Variants in CHRNA7 observed in about 807,000 individuals in gnomAD.
CHRNA7 encodes the protein cholinergic receptor nicotinic alpha 7 subunit.
Under a neutral mutation model 48.0 loss-of-function variants are expected in CHRNA7, and 17 were observed. That is an observed-to-expected ratio of 0.35 (90% CI 0.24 to 0.53). The LOEUF (loss-of-function observed/expected upper bound fraction) is 0.53, where lower values mean the gene tolerates loss of function less well. Ranked by LOEUF, CHRNA7 falls within the 20% of genes least tolerant of loss-of-function variation. The probability of loss-of-function intolerance (pLI) is 0.92; values close to 1 mark genes in which losing one functional copy is unlikely to be tolerated. For missense variants in CHRNA7, 155 were observed against 577.7 expected (o/e 0.27, Z 7.50); for synonymous variants, 75 against 242.3 (o/e 0.31, Z 6.41).
At chr15:32,036,434 CT>C (rs1011146687) in intron 2 of CHRNA7, among the ~76,000 whole-genome samples, 2 of 152,184 alleles carry the variant, frequency 1.3e-5, no homozygotes, top group African/African-American at 4.8e-5. Context: ...GTTTCAATCA[CT>C]TGTGTAAATA....
intron 2 of CHRNA7, among the ~76,000 whole-genome samples, chr15:32,040,735 GT>G (rs1188062364): frequency 6.6e-6 from 1 of 151,722 alleles, no homozygotes; most frequent in Non-Finnish European, 1.5e-5. Flanking sequence ...AAAAACAAAA[GT>G]TTTTATTTTG....
chr15:32,144,744 A>G (rs2051451790), intron 4 of CHRNA7, among the ~76,000 whole-genome samples: 1 of 152,114 alleles, frequency 6.6e-6, no homozygotes, highest in African/African-American at 2.4e-5. Context: ...TGAAGTTCTC[A>G]TGCTGTGGTT....
In CHRNA7 at chr15:32,158,281, A is replaced by AG. The variant is rs2051787354; in HGVS notation, c.599-131_599-130insG. On this transcript the variant is annotated intron_variant, in intron 6 of 9. Coordinates refer to ENST00000306901, the MANE Select transcript of CHRNA7 (RefSeq NM_000746.6). ...CAAGGTTTTATTCAAGCTAATTACA[A>AG]CCCCCCCCTTTTTTTTTTTTAGCAC... 4.9e-5 allele frequency: 36 copies of AG among 730,330 alleles called. No individual in the cohort carries two copies. The South Asian group carries it at 7.9e-4, about 16-fold the overall frequency. 45.2% of individuals were successfully genotyped at this position (730,330 alleles called of 1,614,324 possible).
intron 4 of CHRNA7, among the ~76,000 whole-genome samples, chr15:32,131,935 G>A (rs1185615315): frequency 6.6e-6 from 1 of 151,954 alleles, no homozygotes; most frequent in African/African-American, 2.4e-5. Context: ...GGTACTGCTA[G>A]GTGGGAGTGG....
At position 32,119,923 on chromosome 15, in the gene CHRNA7, A is replaced by G. The variant is rs1018025557; in HGVS notation, c.350+8024A>G. Among the ~76,000 whole-genome samples, 3 of 152,230 alleles carry G rather than the reference A, an allele frequency of 2.0e-5. No individual in the cohort carries two copies. In the East Asian group the frequency reaches 5.8e-4, roughly 29 times the overall value. On this transcript the variant is annotated intron_variant, in intron 4 of 9. Coordinates refer to ENST00000306901, the MANE Select transcript of CHRNA7 (RefSeq NM_000746.6). ...AGAGTGAGTGGACTGTCGCTGGCTG[A>G]CTGTTAATGCTGTCTGCCTCATCCG...
chr15:32,046,628 A>C (rs2049552890), intron 2 of CHRNA7, among the ~76,000 whole-genome samples: 1 of 151,746 alleles, frequency 6.6e-6, no homozygotes, highest in Non-Finnish European at 1.5e-5. Context: ...TTGCCTGTTC[A>C]CTCTGATGGT....
intron 2 of CHRNA7, among the ~76,000 whole-genome samples, chr15:32,076,069 G>T (rs1160908977): frequency 1.3e-5 from 2 of 151,860 alleles, no homozygotes; most frequent in African/African-American, 4.8e-5. Context: ...CTACATTTTT[G>T]AGTTTTATGG....
At chr15:32,145,150 T>TTTTC (rs1241415203) in intron 4 of CHRNA7, among the ~76,000 whole-genome samples, 1 of 152,224 alleles carries the variant, frequency 6.6e-6, no homozygotes, top group African/African-American at 2.4e-5. Flanking sequence ...TGTTTGTTAG[T>TTTTC]TTTCCTTTTA....
At chr15:32,104,755 G>A (rs746291796) in intron 3 of CHRNA7, among the ~76,000 whole-genome samples, 1 of 152,196 alleles carries the variant, frequency 6.6e-6, no homozygotes, top group Non-Finnish European at 1.5e-5. Flanking sequence ...CTGAATGGCC[G>A]TGCAGCACTT....
intron 3 of CHRNA7, among the ~76,000 whole-genome samples, chr15:32,110,438 A>G (rs1003820303): frequency 2.6e-5 from 4 of 152,200 alleles, no homozygotes; most frequent in Non-Finnish European, 5.9e-5. Flanking sequence ...CACATCACCC[A>G]TTAACACATC....
rs141893880 is a variant in CHRNA7, at chr15:32,031,288, A to G, written c.195+251A>G. Among the ~76,000 whole-genome samples the G allele has an allele frequency of 4.9e-3, 746 of 152,306 alleles. 11 individuals are homozygous for G. Among genetic ancestry groups the G allele is most frequent in the African/African-American group, 0.017 (716 of 41,574 alleles). ...TCACCCTGGCCACCTGTGCATGGTT[A>G]CTTGGGTCCCACCTTTCTCTCAGGT... On this transcript the variant is annotated intron_variant, in intron 2 of 9. Coordinates refer to ENST00000306901, the MANE Select transcript of CHRNA7 (RefSeq NM_000746.6).
At chr15:32,125,736 T>G (rs530756549) in intron 4 of CHRNA7, among the ~76,000 whole-genome samples, 6 of 152,316 alleles carry the variant, frequency 3.9e-5, no homozygotes, top group African/African-American at 1.4e-4. Flanking sequence ...ACTGCATCTT[T>G]ACCTCCTCAG....
At chr15:32,111,226 G>A (rs1183051389) in intron 3 of CHRNA7, 4 of 152,308 alleles carry the variant, frequency 2.6e-5, no homozygotes, top group African/African-American at 4.8e-5. Flanking sequence ...CTGACTCTGC[G>A]TTTCACCATC....
intron 4 of CHRNA7, chr15:32,112,325 G>A (rs1463765796): frequency 4.4e-6 from 2 of 458,078 alleles, no homozygotes; most frequent in African/African-American, 4.0e-5. Context: ...TATGTTCCCT[G>A]TTGTGCATTG....
intron 4 of CHRNA7, among the ~76,000 whole-genome samples, chr15:32,142,507 C>G (rs2051401627): frequency 6.6e-6 from 1 of 151,882 alleles, no homozygotes. Context: ...ACCGGCTCCT[C>G]TGTACCTCTG....
At chr15:32,071,412 ATTTC>A (rs1208001873) in intron 2 of CHRNA7, among the ~76,000 whole-genome samples, 1 of 152,098 alleles carries the variant, frequency 6.6e-6, no homozygotes, top group Non-Finnish European at 1.5e-5. Context: ...ATGTCTGTTT[ATTTC>A]TTCTTTGATT....
chr15:32,115,917 G>GA (rs948427282), intron 4 of CHRNA7, among the ~76,000 whole-genome samples: 105 of 152,270 alleles, frequency 6.9e-4, no homozygotes, highest in African/African-American at 2.3e-3. Context: ...AGGCAACCTA[G>GA]AAAACATTCA....
intron 4 of CHRNA7, among the ~76,000 whole-genome samples, chr15:32,143,292 C>T (rs2051419935): frequency 6.6e-6 from 1 of 152,068 alleles, no homozygotes; most frequent in Admixed American, 6.6e-5. Flanking sequence ...GAGACAGTTT[C>T]TTGTGATTTC....
intron 2 of CHRNA7, among the ~76,000 whole-genome samples, chr15:32,092,374 G>A (rs1179562315): frequency 6.6e-6 from 1 of 152,178 alleles, no homozygotes; most frequent in Admixed American, 6.5e-5. Context: ...CTCATGAGAA[G>A]CATGCCCTTC....
Sources: allele counts gnomAD v4.1 joint callset (sites outside exome capture counted in the v4.1 genomes callset), GRCh38; gene constraint gnomAD v4.1.1; transcripts MANE v1.5; gene names NCBI Gene and HGNC (gene_info 2026-07-23, HGNC 2026-07-21).